COL4A4: variants seen among roughly 807,000 people sequenced by gnomAD.
The protein encoded by COL4A4 is collagen type IV alpha 4 chain.
COL4A4 carries 105 observed loss-of-function variants against 192.9 expected under a neutral mutation model. The ratio of observed to expected loss-of-function variants is 0.54; its 90% CI spans 0.46 to 0.64. The LOEUF is 0.64. Among genes scored for constraint, COL4A4 ranks in the 30% least tolerant of loss-of-function variants. The pLI, the probability that COL4A4 is intolerant of heterozygous loss-of-function variation, is 0.00. For missense variants in COL4A4, 1,967 were observed against 2,169.3 expected (o/e 0.91, Z 1.85); for synonymous variants, 762 against 769.9 (o/e 0.99, Z 0.17).
intron 12 of COL4A4, among the ~76,000 whole-genome samples, chr2:227,105,419 T>C (rs948831286): frequency 6.6e-6 from 1 of 152,226 alleles, no homozygotes; most frequent in Admixed American, 6.5e-5. Flanking sequence ...CTCAAACTCC[T>C]GGCCTCACGT....
chr2:227,051,177 T>G lies in COL4A4; in HGVS notation c.2969-19A>C. On this transcript the variant is annotated intron_variant, in intron 32 of 47. Coordinates refer to ENST00000396625, the MANE Select transcript of COL4A4 (RefSeq NM_000092.5). ...TTATCACCTGATGAAGTTGGAAGTG[T>G]TACAGGTCTCTGCTGAAATTTTGAG... The G allele has an allele frequency of 6.2e-7, 1 of 1,613,890 alleles. No homozygotes were observed. Among genetic ancestry groups the G allele is most frequent in the Non-Finnish European group, 8.5e-7 (1 of 1,179,748 alleles).
intron 46 of COL4A4, among the ~76,000 whole-genome samples, chr2:227,009,162 G>T (rs1252754582): frequency 6.6e-6 from 1 of 152,228 alleles, no homozygotes; most frequent in Non-Finnish European, 1.5e-5. Context: ...ACCCAAGGGA[G>T]AAATGCAGGG....
intron 20 of COL4A4, 129 bp downstream of exon 20, chr2:227,093,996 A>G: frequency 1.2e-6 from 1 of 842,256 alleles, no homozygotes; most frequent in Non-Finnish European, 1.8e-6. Flanking sequence ...TGTTTGTAAA[A>G]GACAACCAAC....
chr2:227,115,399 T>C (rs928299215), intron 7 of COL4A4, among the ~76,000 whole-genome samples: 1 of 151,394 alleles, frequency 6.6e-6, no homozygotes, highest in Non-Finnish European at 1.5e-5. Context: ...GCCTCCCAAG[T>C]AGCTGGGACT....
At chr2:227,050,199 T>C (rs1188674241) in intron 33 of COL4A4, 68 bp from the exon 34 acceptor site, 3 of 1,406,736 alleles carry the variant, frequency 2.1e-6, no homozygotes. Flanking sequence ...CACAACACGA[T>C]CCAGTTGTAA....
chr2:226,994,706 T>C, the COL4A4 span, among the ~76,000 whole-genome samples: 2 of 152,314 alleles, frequency 1.3e-5, no homozygotes. Flanking sequence ...TCAAGGACTA[T>C]GTATTTTTCT....
intron 35 of COL4A4, among the ~76,000 whole-genome samples, chr2:227,046,573 G>A (rs768342049): frequency 2.0e-5 from 3 of 152,006 alleles, no homozygotes; most frequent in East Asian, 3.8e-4. Flanking sequence ...TAAGTCAAGC[G>A]ATATGCATAT....
rs11885634 is a variant in COL4A4 at position 227,041,805 on chromosome 2, G to A, written c.3505+343C>T. ...AAGGAAGGGAAAGAAAGAAAGAAAGGAAGAAAGAAAGAAAGAAAGAAAGAA... is the reference window on the plus strand; with the variant it reads ...AAGGAAGGGAAAGAAAGAAAGAAAGAAAGAAAGAAAGAAAGAAAGAAAGAA... On this transcript the variant is annotated intron_variant, in intron 37 of 47. Transcript: ENST00000396625. Among the ~76,000 whole-genome samples the A allele has an allele frequency of 0.41, 15,628 of 38,368 alleles. 4,160 individuals carry two copies. Among genetic ancestry groups the A allele is most frequent in the East Asian group, 0.62 (1,016 of 1,640 alleles). 25.2% of individuals were successfully genotyped at this position (38,368 alleles called of 152,430 possible).
At chr2:227,082,972 T>C (rs1281056170) in intron 22 of COL4A4, among the ~76,000 whole-genome samples, 10 of 152,180 alleles carry the variant, frequency 6.6e-5, no homozygotes, top group Non-Finnish European at 8.8e-5. Flanking sequence ...CTCACATCTA[T>C]AATCCCAGCA....
intron 18 of COL4A4, among the ~76,000 whole-genome samples, chr2:227,099,287 G>A (rs770989742): frequency 4.6e-5 from 7 of 152,076 alleles, no homozygotes; most frequent in East Asian, 1.9e-4. Context: ...GGCTGGTCTC[G>A]AACTCCTGAC....
At chr2:227,087,541 C>G (rs2059669279) in intron 22 of COL4A4, among the ~76,000 whole-genome samples, 1 of 152,166 alleles carries the variant, frequency 6.6e-6, no homozygotes, top group Admixed American at 6.5e-5. Flanking sequence ...TATGTCCAAA[C>G]TAACAGCCAA....
the COL4A4 span, among the ~76,000 whole-genome samples, chr2:226,985,637 G>C: frequency 2.0e-5 from 3 of 152,248 alleles, no homozygotes; most frequent in African/African-American, 7.2e-5. Context: ...AGTCACCCGG[G>C]AGCTCATTAA....
downstream of COL4A4, among the ~76,000 whole-genome samples, chr2:227,000,825 A>AT (rs1004907582): frequency 4.6e-5 from 7 of 151,966 alleles, no homozygotes; most frequent in Non-Finnish European, 1.0e-4. Context: ...CGTCTTTCCC[A>AT]TGCTGTTCTT....
At chr2:227,027,489 A>T (rs1270990300) in intron 42 of COL4A4, among the ~76,000 whole-genome samples, 1 of 108,380 alleles carries the variant, frequency 9.2e-6, no homozygotes, top group Admixed American at 1.0e-4. Context: ...GAGTGGGAGG[A>T]GGGGGGAGGG....
At chr2:227,046,270 A>T (rs900342694) in intron 35 of COL4A4, among the ~76,000 whole-genome samples, 20 of 150,450 alleles carry the variant, frequency 1.3e-4, no homozygotes, top group Admixed American at 1.1e-3. Flanking sequence ...CTGCTCAGAA[A>T]ATATCTAATA....
Position 227,049,544 on chromosome 2 carries a change from A to T in COL4A4, c.3214+524T>A, listed in dbSNP as rs186957693. Among the ~76,000 whole-genome samples, 67 of 152,296 alleles carry T rather than the reference A, an allele frequency of 4.4e-4. 1 individual carries two copies. The highest frequency in any genetic ancestry group is 1.1e-3 in the African/African-American group (45 of 41,546). ...AAAAAAATATTTTGCTATAGTAAAA[A>T]AATAATAATAATAATAAAAAACCCA... is the stretch of plus-strand genomic sequence containing the variant. On this transcript the variant is annotated intron_variant, in intron 34 of 47. Coordinates refer to ENST00000396625, the MANE Select transcript of COL4A4 (RefSeq NM_000092.5).
intron 20 of COL4A4, among the ~76,000 whole-genome samples, chr2:227,091,344 G>T (rs1415776140): frequency 4.6e-5 from 7 of 151,114 alleles, no homozygotes; most frequent in African/African-American, 1.7e-4. Context: ...CAGGTGAAGG[G>T]TTGTAATGTA....
chr2:227,095,001 A>C (rs895441688), intron 19 of COL4A4, among the ~76,000 whole-genome samples: 1 of 152,208 alleles, frequency 6.6e-6, no homozygotes, highest in African/African-American at 2.4e-5. Context: ...TAAAAGAAAA[A>C]ACATAGCTCA....
At chr2:227,089,739 G>A (rs945499308) in intron 21 of COL4A4, 129 bp downstream of exon 21, 11 of 747,858 alleles carry the variant, frequency 1.5e-5, no homozygotes, top group Non-Finnish European at 2.6e-5. Flanking sequence ...GCACTTAATG[G>A]AGTACTCTAG....
Sources: allele counts gnomAD v4.1 joint callset (sites outside exome capture counted in the v4.1 genomes callset), GRCh38; gene constraint gnomAD v4.1.1; transcripts MANE v1.5; gene names NCBI Gene and HGNC (gene_info 2026-07-23, HGNC 2026-07-21).